Variants in ZNF609 observed in about 807,000 individuals in gnomAD.
ZNF609 encodes the protein zinc finger protein 609.
In ZNF609, 11 loss-of-function variants were observed where a neutral mutation model predicts 109.5. That is an observed-to-expected ratio of 0.10 (90% CI 0.06 to 0.17). The LOEUF (loss-of-function observed/expected upper bound fraction) is 0.17, where lower values mean the gene tolerates loss of function less well. Among genes scored for constraint, ZNF609 ranks in the 10% least tolerant of loss-of-function variants. The pLI is 1.00. For synonymous variants in ZNF609, 646 were observed against 662.0 expected (o/e 0.98, Z 0.37); for missense variants, 1,559 against 1,772.4 (o/e 0.88, Z 2.16).
chr15:64,555,908 AAAAG>A (rs1290288267), intron 2 of ZNF609, among the ~76,000 whole-genome samples: 2 of 151,242 alleles, frequency 1.3e-5, no homozygotes, highest in East Asian at 1.9e-4. Flanking sequence ...AAAAAAAAAA[AAAAG>A]AAAACCTGAA....
intron 2 of ZNF609, among the ~76,000 whole-genome samples, chr15:64,531,922 A>G (rs1894069648): frequency 6.6e-6 from 1 of 152,078 alleles, no homozygotes; most frequent in Non-Finnish European, 1.5e-5. Context: ...TTGTCCATTC[A>G]TTATCACTTC....
chr15:64,489,236 A>G (rs982839106), intron 1 of ZNF609, among the ~76,000 whole-genome samples: 1 of 150,848 alleles, frequency 6.6e-6, no homozygotes, highest in African/African-American at 2.4e-5. Context: ...CCCAGGATGG[A>G]GTGCAGTGGC....
At chr15:64,541,426 C>CAAA (rs34461479) in intron 2 of ZNF609, among the ~76,000 whole-genome samples, 5 of 67,826 alleles carry the variant, frequency 7.4e-5, no homozygotes, top group Admixed American at 1.6e-4. Flanking sequence ...GACTCCGTCT[C>CAAA]AAAAAAAAAA....
intron 2 of ZNF609, among the ~76,000 whole-genome samples, chr15:64,598,645 A>C (rs1595733251): frequency 6.7e-6 from 1 of 150,256 alleles, no homozygotes; most frequent in East Asian, 2.0e-4. Context: ...CTATGCTATG[A>C]TGGACCTATA....
chr15:64,632,706 G>C (rs550095864), intron 3 of ZNF609, among the ~76,000 whole-genome samples: 138 of 152,102 alleles, frequency 9.1e-4, no homozygotes, highest in African/African-American at 3.2e-3. Flanking sequence ...CCTGACCTCA[G>C]GTCTGCCTGC....
chr15:64,496,287 C>T (rs1022766335), intron 1 of ZNF609, among the ~76,000 whole-genome samples: 1 of 152,138 alleles, frequency 6.6e-6, no homozygotes, highest in Non-Finnish European at 1.5e-5. Flanking sequence ...TCTTCCGTTA[C>T]CATTCTATTT....
chr15:64,627,759 T>A (rs1173371960), intron 3 of ZNF609, among the ~76,000 whole-genome samples: 1 of 145,026 alleles, frequency 6.9e-6, no homozygotes, highest in East Asian at 2.1e-4. Flanking sequence ...CCTCAAACTC[T>A]TGAGCTAAAG....
In ZNF609 at chr15:64,675,368, C is replaced by T; in HGVS notation, c.2514C>T (p.Val838=). 1 of 1,614,004 alleles carries T rather than the reference C, an allele frequency of 6.2e-7. No individual in the cohort carries two copies. The highest frequency in any genetic ancestry group is 1.1e-5 in the South Asian group (1 of 91,040). ...VTQNGAEASS[V]KTNSPAYSDI... ...AGAATGGAGCTGAAGCCAGCTCAGT[C>T]AAAACCAACAGCCCTGCATACTCTG... The change falls in exon 5 of 10, where the codon GTC becomes GTT. Residue 838 remains valine, a synonymous_variant. Transcript: ENST00000326648.
At position 64,675,718 on chromosome 15, in the gene ZNF609, G is replaced by A; in HGVS notation, c.2864G>A (p.Ser955Asn). The A allele has an allele frequency of 6.2e-7, 1 of 1,614,198 alleles. No individual in the cohort carries two copies. Among genetic ancestry groups the A allele is most frequent in the Admixed American group, 1.7e-5 (1 of 60,022 alleles). Residue 955 changes from serine (S) to asparagine (N), a missense_variant, in exon 5 of 10, where the codon AGT becomes AAT. By Grantham distance (46) the Ser-to-Asn change is conservative. Around this residue, in one of 4 missense-constraint regions of ZNF609, gnomAD observed 1,204 missense variants for 1,314.1 expected, o/e 0.92. Coordinates refer to ENST00000326648, the MANE Select transcript of ZNF609 (RefSeq NM_015042.2). ...AAGAAGCCCGAGCTGAGCAGTTCCA[G>A]TCAGCAGCCCTCGGTCATCCAGCAG... ...EEKKPELSSS[S>N]QQPSVIQQRP...
chr15:64,460,437 G>T (rs963187745), upstream of ZNF609, among the ~76,000 whole-genome samples: 1 of 152,128 alleles, frequency 6.6e-6, no homozygotes, highest in Non-Finnish European at 1.5e-5. Context: ...CCGGGTGAGC[G>T]CGCATTCCGA....
At chr15:64,614,072 C>A (rs1249938671) in intron 2 of ZNF609, among the ~76,000 whole-genome samples, 1 of 151,406 alleles carries the variant, frequency 6.6e-6, no homozygotes, top group East Asian at 2.0e-4. Context: ...CACCCACCAC[C>A]ACGCCTGACT....
chr15:64,674,833 C>A lies in ZNF609; in HGVS notation c.1979C>A (p.Ala660Asp). The change falls in exon 5 of 10, where the codon GCC becomes GAC. Residue 660 changes from alanine to aspartate, a missense_variant. Ala to Asp is a moderately radical substitution (Grantham distance 126). Transcript: ENST00000326648. ...AGCCTAAAGTCAGCCCGTCCCATTG[C>A]CCCTGCCATCCCCCCACAGCAAATC... The part of the protein sequence containing the change: ...SKSLKSARPI[A>D]PAIPPQQIYT... The A allele has an allele frequency of 6.2e-7, 1 of 1,613,598 alleles. No individual in the cohort carries two copies. Among genetic ancestry groups the A allele is most frequent in the South Asian group, 1.1e-5 (1 of 91,052 alleles).
intron 2 of ZNF609, among the ~76,000 whole-genome samples, chr15:64,527,999 G>A (rs1227126799): frequency 1.3e-5 from 2 of 152,062 alleles, no homozygotes; most frequent in Non-Finnish European, 2.9e-5. Context: ...TCAGACTTCC[G>A]AATGAAGTTA....
intron 3 of ZNF609, among the ~76,000 whole-genome samples, chr15:64,635,881 C>CTA (rs10648264): frequency 0.86 from 130,800 of 152,018 alleles, 57,698 homozygotes; most frequent in East Asian, 0.96. Flanking sequence ...TCTGACTACT[C>CTA]TGAAACAAGG....
chr15:64,678,420 C>G lies in ZNF609; in HGVS notation c.3707C>G (p.Ser1236Cys), dbSNP rs1258244427. ...PYMHGYSYSQ[S>C]YDPNHPSYRS... ...ATGCACGGCTATTCCTACAGTCAGTCCTACGACCCCAACCACCCCAGCTAC... is the reference window on the plus strand; with the variant it reads ...ATGCACGGCTATTCCTACAGTCAGTGCTACGACCCCAACCACCCCAGCTAC... The change falls in exon 6 of 10, where the codon TCC (serine) becomes TGC (cysteine). Residue 1236 changes from serine (S) to cysteine (C), a missense_variant. Ser to Cys is a moderately radical substitution (Grantham distance 112, BLOSUM62 -1). Transcript: ENST00000326648. The G allele has an allele frequency of 6.2e-7, 1 of 1,611,284 alleles. No individual in the cohort carries two copies. The highest frequency in any genetic ancestry group is 8.5e-7 in the Non-Finnish European group (1 of 1,178,430).
chr15:64,659,910 C>T (rs1896549269), intron 3 of ZNF609, among the ~76,000 whole-genome samples: 1 of 150,456 alleles, frequency 6.6e-6, no homozygotes, highest in Non-Finnish European at 1.5e-5. Flanking sequence ...TCTTGGCTCA[C>T]TGCAACCTCT....
chr15:64,604,806 A>AATTTATTTATTTATTT (rs1208033736), intron 2 of ZNF609, among the ~76,000 whole-genome samples: 5 of 151,848 alleles, frequency 3.3e-5, no homozygotes, highest in African/African-American at 1.2e-4. Flanking sequence ...TATTTAATTT[A>AATTTATTTATTTATTT]ATTTATTTAG....
intron 2 of ZNF609, among the ~76,000 whole-genome samples, chr15:64,506,963 G>A (rs990652519): frequency 3.3e-5 from 5 of 152,180 alleles, no homozygotes; most frequent in Non-Finnish European, 7.4e-5. Context: ...ATGGTCTGAA[G>A]AAGTTCCAAA....
intron 2 of ZNF609, among the ~76,000 whole-genome samples, chr15:64,591,322 G>A (rs1895292680): frequency 6.6e-6 from 1 of 152,112 alleles, no homozygotes; most frequent in Non-Finnish European, 1.5e-5. Flanking sequence ...CAGCTACTCA[G>A]GAGGCTGAGG....
Sources: allele counts gnomAD v4.1 joint callset (sites outside exome capture counted in the v4.1 genomes callset), GRCh38; gene constraint gnomAD v4.1.1; regional missense constraint gnomAD v4.1.1; transcripts MANE v1.5; gene names NCBI Gene and HGNC (gene_info 2026-07-23, HGNC 2026-07-21).